MAGI2: variants seen among roughly 807,000 people sequenced by gnomAD.
MAGI2 encodes membrane-associated guanylate kinase, WW and PDZ domain-containing protein 2.
A neutral mutation model predicts 133.3 loss-of-function variants in MAGI2; 35 were observed. The ratio of observed to expected loss-of-function variants is 0.26; its 90% CI spans 0.20 to 0.35. MAGI2 has a LOEUF of 0.35. Among genes scored for constraint, MAGI2 ranks in the 10% least tolerant of loss-of-function variants. The pLI is 1.00. For synonymous variants in MAGI2, 729 were observed against 710.6 expected, an observed-to-expected ratio of 1.03 and a Z score of -0.41; for missense variants, 1,636 against 1,863.4, an observed-to-expected ratio of 0.88 and a Z score of 2.25.
At chr7:78,346,146 T>C (rs952468883) in intron 7 of MAGI2, 103 bp from the exon 8 acceptor site, 1 of 1,320,394 alleles carries the variant, frequency 7.6e-7, no homozygotes, top group African/African-American at 1.5e-5. Flanking sequence ...CCACCTTATC[T>C]GATTACAGTC....
chr7:78,538,362 G>C (rs1408930469), intron 3 of MAGI2, among the ~76,000 whole-genome samples: 1 of 152,184 alleles, frequency 6.6e-6, no homozygotes, highest in Non-Finnish European at 1.5e-5. Context: ...GTTCTGTGAA[G>C]AATGGTGGTG....
At chr7:78,604,365 A>T (rs941605762) in intron 3 of MAGI2, among the ~76,000 whole-genome samples, 3 of 152,146 alleles carry the variant, frequency 2.0e-5, no homozygotes, top group African/African-American at 7.2e-5. Flanking sequence ...ATAAAACTAG[A>T]ATAGAACTGG....
intron 6 of MAGI2, among the ~76,000 whole-genome samples, chr7:78,382,571 T>C (rs994143432): frequency 3.3e-5 from 5 of 152,130 alleles, no homozygotes; most frequent in Non-Finnish European, 5.9e-5. Context: ...TGCAAACTTA[T>C]GGCATACACA....
At chr7:78,336,410 G>C (rs1362962574) in intron 9 of MAGI2, among the ~76,000 whole-genome samples, 1 of 152,180 alleles carries the variant, frequency 6.6e-6, no homozygotes, top group African/African-American at 2.4e-5. Context: ...CTCAAGTGGA[G>C]AAGTGCCAGG....
At position 78,040,756 on chromosome 7, in the gene MAGI2, C is replaced by T. The variant is rs113499294; in HGVS notation, c.3707-20780G>A. Among the ~76,000 whole-genome samples, 447 of 152,308 alleles carry T rather than the reference C, an allele frequency of 2.9e-3. 1 individual carries two copies. The highest frequency in any genetic ancestry group is 0.011 in the African/African-American group (438 of 41,568). On this transcript the variant is annotated intron_variant, in intron 21 of 21. Transcript: ENST00000354212. Reference sequence around the variant, plus strand: ...TAAACCCTCGTGAAGTCTGCCTACACATTTACATCATTCTCTATTCATTAC... The same window carrying T: ...TAAACCCTCGTGAAGTCTGCCTACATATTTACATCATTCTCTATTCATTAC...
In MAGI2 at chr7:78,559,857, A is replaced by G. The variant is rs183106601; in HGVS notation, c.539-38212T>C. ...CATACAAACATGTATGTGTGTGTGTACACATATATTTGCCACCCACTGTCA... is the reference window on the plus strand; with the variant it reads ...CATACAAACATGTATGTGTGTGTGTGCACATATATTTGCCACCCACTGTCA... On this transcript the variant is annotated intron_variant, in intron 3 of 21. Transcript: ENST00000354212. Among the ~76,000 whole-genome samples, 303 of 152,300 alleles carry G rather than the reference A, an allele frequency of 2.0e-3. 3 individuals are homozygous for G. The highest frequency in any genetic ancestry group is 0.014 in the Middle Eastern group (4 of 294).
intron 2 of MAGI2, among the ~76,000 whole-genome samples, chr7:78,704,660 T>C (rs1818421487): frequency 6.6e-6 from 1 of 151,870 alleles, no homozygotes; most frequent in African/African-American, 2.4e-5. Context: ...AAATGCCCAT[T>C]AACAGTAAAC....
intron 2 of MAGI2, among the ~76,000 whole-genome samples, chr7:78,811,719 G>C (rs368140891): frequency 3.9e-5 from 6 of 152,298 alleles, no homozygotes; most frequent in African/African-American, 1.4e-4. Flanking sequence ...GCCAAATTTG[G>C]CCCATGGCCT....
intron 3 of MAGI2, among the ~76,000 whole-genome samples, chr7:78,551,557 T>C (rs1799334829): frequency 6.6e-6 from 1 of 152,224 alleles, no homozygotes. Context: ...GCCACATACA[T>C]GAATAATATA....
At chr7:79,044,232 A>G (rs1203921104) in intron 1 of MAGI2, among the ~76,000 whole-genome samples, 1 of 152,228 alleles carries the variant, frequency 6.6e-6, no homozygotes, top group African/African-American at 2.4e-5. Context: ...ATAATTTACC[A>G]TGATCAAGTG....
At chr7:78,637,456 CAGA>C (rs768670799) in intron 2 of MAGI2, among the ~76,000 whole-genome samples, 8 of 150,030 alleles carry the variant, frequency 5.3e-5, no homozygotes, top group Non-Finnish European at 1.0e-4. Context: ...GCATCTAATG[CAGA>C]AGATCTCTCA....
chr7:79,429,562 C>T (rs1847634827), intron 1 of MAGI2, among the ~76,000 whole-genome samples: 1 of 152,136 alleles, frequency 6.6e-6, no homozygotes, highest in Non-Finnish European at 1.5e-5. Flanking sequence ...GCTGTAGCCT[C>T]ACCAAATGCT....
At chr7:79,414,904 A>C (rs923036423) in intron 1 of MAGI2, 3 of 152,104 alleles carry the variant, frequency 2.0e-5, no homozygotes, top group Admixed American at 2.0e-4. Flanking sequence ...TTTGAGATTC[A>C]TCTCCTTTAG....
At chr7:78,781,445 A>C (rs1053566907) in intron 2 of MAGI2, among the ~76,000 whole-genome samples, 1 of 152,016 alleles carries the variant, frequency 6.6e-6, no homozygotes, top group Non-Finnish European at 1.5e-5. Flanking sequence ...ATGTAAAAAA[A>C]ATTTGCATAA....
chr7:79,356,236 G>T (rs976080098), intron 1 of MAGI2, among the ~76,000 whole-genome samples: 2 of 152,118 alleles, frequency 1.3e-5, no homozygotes, highest in Non-Finnish European at 2.9e-5. Context: ...TATAGAGCCA[G>T]AACTTCAAAC....
chr7:78,324,043 A>G (rs1317079833), intron 9 of MAGI2, among the ~76,000 whole-genome samples: 1 of 152,178 alleles, frequency 6.6e-6, no homozygotes, highest in Admixed American at 6.5e-5. Flanking sequence ...GTATATTAGT[A>G]AAAAGGGAAT....
chr7:79,075,229 C>T (rs761166387), intron 1 of MAGI2, among the ~76,000 whole-genome samples: 25 of 152,260 alleles, frequency 1.6e-4, no homozygotes, highest in Middle Eastern at 3.4e-3. Flanking sequence ...CACATGTTCA[C>T]TCCTGGATGT....
At chr7:78,218,471 A>G (rs113160873) in intron 10 of MAGI2, among the ~76,000 whole-genome samples, 1 of 152,258 alleles carries the variant, frequency 6.6e-6, no homozygotes, top group Non-Finnish European at 1.5e-5. Flanking sequence ...ATGCTTGTTA[A>G]TAATTGTATT....
chr7:78,351,452 G>T (rs547167536), intron 7 of MAGI2, among the ~76,000 whole-genome samples: 1 of 152,044 alleles, frequency 6.6e-6, no homozygotes, highest in East Asian at 2.0e-4. Flanking sequence ...GGGATGAAAT[G>T]TGGGAGCATT....
Sources: allele counts gnomAD v4.1 joint callset (sites outside exome capture counted in the v4.1 genomes callset), GRCh38; gene constraint gnomAD v4.1.1; transcripts MANE v1.5; gene names NCBI Gene and HGNC (gene_info 2026-07-23, HGNC 2026-07-21).